Variants in STARD13 observed in about 807,000 individuals in gnomAD.
STARD13 encodes the protein StAR related lipid transfer domain containing 13, also known as stAR-related lipid transfer protein 13.
Under a neutral mutation model 106.4 loss-of-function variants are expected in STARD13, and 62 were observed. That is an observed-to-expected ratio of 0.58 (90% CI 0.48 to 0.72). The LOEUF (loss-of-function observed/expected upper bound fraction) is 0.72, where lower values mean the gene tolerates loss of function less well. STARD13 is among the 30% of genes least tolerant of loss of function. STARD13 has a pLI of 0.00. For missense variants in STARD13, 1,387 were observed against 1,424.0 expected (o/e 0.97, Z 0.42); for synonymous variants, 565 against 553.0 (o/e 1.02, Z -0.31).
intron 1 of STARD13, among the ~76,000 whole-genome samples, chr13:33,327,665 T>C (rs932438090): frequency 6.6e-6 from 1 of 152,230 alleles, no homozygotes; most frequent in Non-Finnish European, 1.5e-5. Context: ...GCCATTGTGC[T>C]GGTCCCTTTG....
the STARD13 span, among the ~76,000 whole-genome samples, chr13:33,378,663 G>A: frequency 9.9e-4 from 151 of 151,982 alleles, 1 homozygote; most frequent in Admixed American, 3.6e-3. Context: ...GGTGGCGGGC[G>A]CCTGTAGTCC....
the STARD13 span, among the ~76,000 whole-genome samples, chr13:33,558,525 G>A: frequency 1.3e-5 from 2 of 151,890 alleles, no homozygotes; most frequent in African/African-American, 2.4e-5. Flanking sequence ...AAAAATACCT[G>A]CCTATCTGTA....
At chr13:33,149,673 G>A (rs1257208732) in intron 3 of STARD13, among the ~76,000 whole-genome samples, 1 of 152,224 alleles carries the variant, frequency 6.6e-6, no homozygotes, top group East Asian at 1.9e-4. Context: ...GCATTGGCCT[G>A]TGATTTAGCT....
chr13:33,358,708 T>C, the STARD13 span, among the ~76,000 whole-genome samples: 1 of 152,192 alleles, frequency 6.6e-6, no homozygotes, highest in Non-Finnish European at 1.5e-5. Flanking sequence ...GCTCAAGGTT[T>C]GTGAGTGCAC....
chr13:33,532,965 T>TG, the STARD13 span, among the ~76,000 whole-genome samples: 4,179 of 152,148 alleles, frequency 0.027, 193 homozygotes, highest in African/African-American at 0.093. Flanking sequence ...GCTGGGACAA[T>TG]GGGACCCCAA....
intron 8 of STARD13, among the ~76,000 whole-genome samples, chr13:33,115,415 C>G (rs1875219513): frequency 6.6e-6 from 1 of 152,220 alleles, no homozygotes; most frequent in South Asian, 2.1e-4. Flanking sequence ...CATGCTCGTC[C>G]AGTTCGGTGC....
chr13:33,646,372 A>T, the STARD13 span, among the ~76,000 whole-genome samples: 1 of 152,236 alleles, frequency 6.6e-6, no homozygotes, highest in African/African-American at 2.4e-5. Flanking sequence ...AGGGAAAAAC[A>T]TTCTGCCTCG....
rs150898613 is a variant in STARD13, at chr13:33,112,903, G to C, written c.2310C>G (p.Ala770=). Residue 770 remains alanine, a synonymous_variant, in exon 9 of 14, where the codon GCC becomes GCG. Coordinates refer to ENST00000336934, the MANE Select transcript of STARD13 (RefSeq NM_178006.4). Reference sequence around the variant, plus strand: ...CCAGTAGCAGGATGGCAGCCTGCACGGCCTGCAGCCGCTGCTCTTTGGAGA... The same window carrying C: ...CCAGTAGCAGGATGGCAGCCTGCACCGCCTGCAGCCGCTGCTCTTTGGAGA... ...QYVSKEQRLQ[A]VQAAILLLAD... 2 of 1,612,084 alleles carry C rather than the reference G, an allele frequency of 1.2e-6. No homozygotes were observed. Among genetic ancestry groups the C allele is most frequent in the Non-Finnish European group, 1.7e-6 (2 of 1,179,086 alleles).
chr13:33,317,945 C>G (rs1893404397), intron 1 of STARD13, among the ~76,000 whole-genome samples: 1 of 152,106 alleles, frequency 6.6e-6, no homozygotes, highest in Non-Finnish European at 1.5e-5. Context: ...AAACCAGTTC[C>G]CAAGAACTAA....
chr13:33,643,159 GCACACACACACACACA>G, the STARD13 span, among the ~76,000 whole-genome samples: 9,810 of 139,798 alleles, frequency 0.07, 730 homozygotes, highest in East Asian at 0.2. Context: ...CATAGAACAT[GCACACACACACACACA>G]CACACACACA....
chr13:33,546,680 G>A, the STARD13 span, among the ~76,000 whole-genome samples: 13 of 150,532 alleles, frequency 8.6e-5, no homozygotes, highest in East Asian at 1.9e-3. Context: ...GTCTCACTCT[G>A]TCGCCCAGGC....
the STARD13 span, among the ~76,000 whole-genome samples, chr13:33,400,486 G>C: frequency 6.7e-6 from 1 of 149,804 alleles, no homozygotes. Context: ...TTTTGAGACA[G>C]AGTCTTGCTC....
chr13:33,552,152 A>G, the STARD13 span, among the ~76,000 whole-genome samples: 3 of 152,234 alleles, frequency 2.0e-5, no homozygotes, highest in African/African-American at 7.2e-5. Context: ...GCAATAAATC[A>G]CAGAACTAAA....
chr13:33,652,782 C>T, the STARD13 span, among the ~76,000 whole-genome samples: 1 of 151,570 alleles, frequency 6.6e-6, no homozygotes, highest in East Asian at 1.9e-4. Context: ...ATAGCAACTA[C>T]CAAAATTTGT....
chr13:33,637,489 A>T, the STARD13 span, among the ~76,000 whole-genome samples: 3 of 152,226 alleles, frequency 2.0e-5, no homozygotes. Flanking sequence ...TTTAACACAT[A>T]GCCCTCTGAA....
chr13:33,421,262 A>G, the STARD13 span, among the ~76,000 whole-genome samples: 1 of 152,222 alleles, frequency 6.6e-6, no homozygotes, highest in East Asian at 1.9e-4. Context: ...GATAAAGGGA[A>G]TATCACCACT....
chr13:33,305,517 G>A (rs1892873311), intron 1 of STARD13, among the ~76,000 whole-genome samples: 1 of 152,164 alleles, frequency 6.6e-6, no homozygotes, highest in Non-Finnish European at 1.5e-5. Flanking sequence ...ACTAAATACT[G>A]AGCATAAAGA....
the STARD13 span, among the ~76,000 whole-genome samples, chr13:33,387,244 A>T: frequency 6.6e-6 from 1 of 152,114 alleles, no homozygotes; most frequent in African/African-American, 2.4e-5. Flanking sequence ...GCCTCATGCA[A>T]TCCTCCCACT....
intron 1 of STARD13, among the ~76,000 whole-genome samples, chr13:33,325,983 TAAAAAAAAA>T (rs59403273): frequency 3.1e-5 from 3 of 96,210 alleles, no homozygotes; most frequent in Non-Finnish European, 5.8e-5. Flanking sequence ...AGACTCCGTT[TAAAAAAAAA>T]AAAAAAAAAA....
Sources: gnomAD v4.1 joint callset for allele counts (sites outside exome capture counted in the v4.1 genomes callset) on GRCh38, gnomAD v4.1.1 for gene constraint, MANE v1.5 for transcripts, NCBI Gene and HGNC (gene_info 2026-07-23, HGNC 2026-07-21) for gene names.